The following DDX60 variants were observed in gnomAD, a reference collection of about 807,000 sequenced individuals.
DDX60 encodes the protein probable ATP-dependent RNA helicase DDX60.
DDX60 carries 165 observed loss-of-function variants against 212.8 expected under a neutral mutation model. The observed-to-expected ratio is 0.78, with a 90% confidence interval of 0.68 to 0.88. DDX60 has a LOEUF of 0.88. Among genes scored for constraint, DDX60 ranks in the 40% least tolerant of loss-of-function variants. The pLI, the probability that DDX60 is intolerant of heterozygous loss-of-function variation, is 0.00. For missense variants in DDX60, 1,905 were observed against 2,003.9 expected, an observed-to-expected ratio of 0.95 and a Z score of 0.94; for synonymous variants, 703 against 685.3, an observed-to-expected ratio of 1.03 and a Z score of -0.40.
intron 26 of DDX60, among the ~76,000 whole-genome samples, chr4:168,254,777 G>A (rs980014454): frequency 6.6e-6 from 1 of 152,142 alleles, no homozygotes; most frequent in East Asian, 1.9e-4. Flanking sequence ...GAGCAATCAG[G>A]AAGGAGGGCA....
At chr4:168,286,969 A>G in intron 10 of DDX60, 79 bp downstream of exon 10, 1 of 1,057,894 alleles carries the variant, frequency 9.5e-7, no homozygotes, top group East Asian at 2.6e-5. Context: ...TTATACTTGC[A>G]GCACTGAATT....
At chr4:168,294,000 T>G in intron 6 of DDX60, 55 bp from the exon 7 acceptor site, 1 of 1,531,854 alleles carries the variant, frequency 6.5e-7, no homozygotes, top group Non-Finnish European at 8.8e-7. Context: ...TATTTTTATT[T>G]GTAAGTGATC....
Position 168,293,902 on chromosome 4 carries a change from C to G in DDX60, c.767G>C (p.Gly256Ala), listed in dbSNP as rs773003459. The G allele has an allele frequency of 2.5e-6, 4 of 1,613,860 alleles. No homozygotes were observed. Among genetic ancestry groups the G allele is most frequent in the East Asian group, 2.2e-5 (1 of 44,876 alleles). ...ACAAAAGACACGCCGAATGTCAGAT[C>G]CTTCTGGCCAGACTTGTGTAAGCAG... ...VSLLTQVWPEGSDIRRVFCVT... is the reference protein window; with the variant it reads ...VSLLTQVWPEASDIRRVFCVT... The change falls in exon 7 of 38, where the codon GGA (glycine) becomes GCA (alanine). Residue 256 changes from glycine to alanine, a missense_variant. By Grantham distance (60) the Gly-to-Ala change is moderately conservative. Transcript: ENST00000393743.
intron 10 of DDX60, among the ~76,000 whole-genome samples, chr4:168,286,128 GAAGGAAGGAAGA>G (rs1475281523): frequency 7.3e-5 from 11 of 151,180 alleles, no homozygotes; most frequent in South Asian, 2.1e-4. Context: ...AAGAAGGAAG[GAAGGAAGGAAGA>G]AAGGAAGGAA....
intron 7 of DDX60, 61 bp from the exon 8 acceptor site, chr4:168,291,967 C>A: frequency 1.6e-6 from 2 of 1,222,142 alleles, no homozygotes; most frequent in Non-Finnish European, 1.1e-6. Flanking sequence ...GCATAATAAG[C>A]ATCTAGGACC....
chr4:168,316,707 A>G (rs1331679600), intron 1 of DDX60, among the ~76,000 whole-genome samples: 9 of 152,154 alleles, frequency 5.9e-5, no homozygotes. Context: ...ATGAATTAAC[A>G]GATCTTGGTA....
intron 14 of DDX60, among the ~76,000 whole-genome samples, chr4:168,278,067 T>C (rs370483175): frequency 6.6e-6 from 1 of 152,156 alleles, no homozygotes; most frequent in African/African-American, 2.4e-5. Flanking sequence ...ACCCTTCTTT[T>C]ACTTAATAGT....
chr4:168,270,815 ATCTT>A (rs1182509721), intron 19 of DDX60, among the ~76,000 whole-genome samples: 2 of 151,198 alleles, frequency 1.3e-5, no homozygotes, highest in East Asian at 1.9e-4. Context: ...CAAAGAATAT[ATCTT>A]TCTATCATGT....
intron 25 of DDX60, among the ~76,000 whole-genome samples, chr4:168,256,461 T>C (rs948242028): frequency 1.3e-5 from 2 of 152,140 alleles, no homozygotes; most frequent in Non-Finnish European, 2.9e-5. Context: ...TAGTGATCCA[T>C]ACTTCCTGGC....
intron 26 of DDX60, among the ~76,000 whole-genome samples, chr4:168,252,994 G>A (rs181016354): frequency 1.1e-4 from 17 of 152,102 alleles, no homozygotes; most frequent in South Asian, 6.2e-4. Flanking sequence ...CAGTAGAGAC[G>A]GGGTTTCACC....
rs1348373391 is a variant in DDX60 at position 168,237,807 on chromosome 4, A to G, written c.4165-12T>C. 1.3e-6 allele frequency: 2 copies of G among 1,585,406 alleles called. No individual in the cohort carries two copies. The highest frequency in any genetic ancestry group is 1.7e-6 in the Non-Finnish European group (2 of 1,163,804). On this transcript the variant is annotated splice_polypyrimidine_tract_variant and intron_variant, in intron 30 of 37. Coordinates refer to ENST00000393743, the MANE Select transcript of DDX60 (RefSeq NM_017631.6). ...AGCACTGATAGCACCTTTAAAGAAA[A>G]GAGTATTTTTAGACACACAATGTTA...
intron 10 of DDX60, among the ~76,000 whole-genome samples, chr4:168,286,461 A>AT (rs924101526): frequency 2.2e-5 from 3 of 136,184 alleles, no homozygotes; most frequent in Admixed American, 1.6e-4. Flanking sequence ...TAGATATTAC[A>AT]TATCAAGTAT....
At chr4:168,250,816 C>G (rs538537082) in intron 28 of DDX60, 138 bp downstream of exon 28, 113 of 705,934 alleles carry the variant, frequency 1.6e-4, no homozygotes, top group East Asian at 1.6e-3. Flanking sequence ...TGACCCATCA[C>G]GCCCGGCCAA....
chr4:168,242,684 A>T (rs111751965), intron 30 of DDX60, among the ~76,000 whole-genome samples: 4,596 of 152,226 alleles, frequency 0.03, 215 homozygotes, highest in African/African-American at 0.1. Context: ...TGATTTTACT[A>T]GCTCATAGGT....
At chr4:168,217,822 A>G (rs577987535) in intron 37 of DDX60, among the ~76,000 whole-genome samples, 1 of 152,286 alleles carries the variant, frequency 6.6e-6, no homozygotes, top group African/African-American at 2.4e-5. Context: ...CAATAAAAGT[A>G]GATTGTCCCT....
intron 2 of DDX60, 84 bp downstream of exon 2, chr4:168,311,172 T>C: frequency 4.6e-6 from 7 of 1,507,796 alleles, no homozygotes; most frequent in South Asian, 2.3e-5. Flanking sequence ...AACAGTAATG[T>C]GGTTATTTTA....
chr4:168,310,335 C>T (rs1473882321), intron 3 of DDX60, among the ~76,000 whole-genome samples: 1 of 152,096 alleles, frequency 6.6e-6, no homozygotes, highest in Non-Finnish European at 1.5e-5. Context: ...ATAGACAGAA[C>T]ATCATGGAAG....
At chr4:168,262,187 C>A (rs1734651004) in intron 23 of DDX60, 59 bp from the exon 24 acceptor site, 3 of 1,536,492 alleles carry the variant, frequency 2.0e-6, no homozygotes, top group Non-Finnish European at 2.6e-6. Flanking sequence ...AAAAGTATTT[C>A]TCAATTATAT....
intron 18 of DDX60, 91 bp from the exon 19 acceptor site, chr4:168,272,229 C>T (rs1735133391): frequency 1.4e-5 from 13 of 920,736 alleles, no homozygotes; most frequent in Non-Finnish European, 2.2e-5. Context: ...ACTTATGAGT[C>T]CTGAATGTAC....
Sources: gnomAD v4.1 joint callset for allele counts (sites outside exome capture counted in the v4.1 genomes callset) on GRCh38, gnomAD v4.1.1 for gene constraint, MANE v1.5 for transcripts, NCBI Gene and HGNC (gene_info 2026-07-23, HGNC 2026-07-21) for gene names.